Variants in PSME4 observed in about 807,000 individuals in gnomAD.
PSME4 encodes the protein proteasome activator complex subunit 4.
A neutral mutation model predicts 253.9 loss-of-function variants in PSME4; 89 were observed. That is an observed-to-expected ratio of 0.35 (90% CI 0.30 to 0.42). The LOEUF is 0.42. Ranked by LOEUF, PSME4 falls within the 10% of genes least tolerant of loss-of-function variation. The pLI is 1.00. For missense variants in PSME4, 2,014 were observed against 2,195.2 expected (o/e 0.92, Z 1.65); for synonymous variants, 851 against 759.2 (o/e 1.12, Z -1.99).
chr2:53,944,233 A>G (rs1016927034), intron 3 of PSME4, among the ~76,000 whole-genome samples: 1 of 151,924 alleles, frequency 6.6e-6, no homozygotes, highest in Non-Finnish European at 1.5e-5. Context: ...ATCTTGGCTC[A>G]TTGCAGCCTC....
intron 43 of PSME4, among the ~76,000 whole-genome samples, chr2:53,873,187 G>A (rs1330379180): frequency 6.8e-6 from 1 of 146,018 alleles, no homozygotes; most frequent in Admixed American, 7.0e-5. Flanking sequence ...CTTGCAGTGA[G>A]CTGAGAGCGT....
chr2:53,946,186 C>G (rs553304602), intron 3 of PSME4, among the ~76,000 whole-genome samples: 2 of 152,280 alleles, frequency 1.3e-5, no homozygotes, highest in African/African-American at 4.8e-5. Flanking sequence ...GCAGCATGTG[C>G]CTTTGCAAAG....
At chr2:53,875,854 T>C (rs72799242) in intron 41 of PSME4, 99 bp from the exon 42 acceptor site, 59,794 of 1,180,742 alleles carry the variant, frequency 0.051, 3,152 homozygotes, top group East Asian at 0.26. Flanking sequence ...TTTAACAATT[T>C]TTATGGAAAA....
chr2:53,940,065 A>G, intron 3 of PSME4, 65 bp from the exon 4 acceptor site: 1 of 1,181,450 alleles, frequency 8.5e-7, no homozygotes, highest in Non-Finnish European at 1.2e-6. Context: ...AATTCAATTA[A>G]TAAATATCTA....
intron 20 of PSME4, among the ~76,000 whole-genome samples, chr2:53,915,592 A>AT (rs1488816395): frequency 6.6e-6 from 1 of 152,028 alleles, no homozygotes; most frequent in African/African-American, 2.4e-5. Flanking sequence ...GAAAAAAAAA[A>AT]GAAGTAAACT....
chr2:53,912,068 C>A (rs1018696961), intron 20 of PSME4, among the ~76,000 whole-genome samples: 1 of 152,156 alleles, frequency 6.6e-6, no homozygotes, highest in African/African-American at 2.4e-5. Context: ...TCTTCCTCGA[C>A]TTTTAAAACT....
chr2:53,941,073 G>A (rs1252332776), intron 3 of PSME4, among the ~76,000 whole-genome samples: 1 of 135,740 alleles, frequency 7.4e-6, no homozygotes, highest in Non-Finnish European at 1.6e-5. Flanking sequence ...CTTAAGTCCA[G>A]AAGTCTATCC....
chr2:53,919,323 T>C, intron 19 of PSME4, 77 bp from the exon 20 acceptor site: 3 of 1,455,432 alleles, frequency 2.1e-6, no homozygotes, highest in Non-Finnish European at 2.7e-6. Flanking sequence ...CACAGAAGTT[T>C]TCTCACGTGG....
intron 1 of PSME4, among the ~76,000 whole-genome samples, chr2:53,955,732 G>C (rs758130391): frequency 6.6e-6 from 1 of 152,092 alleles, no homozygotes; most frequent in Non-Finnish European, 1.5e-5. Context: ...GACCAGCCTG[G>C]GCAACACTGC....
chr2:53,955,147 G>A (rs1670174078), intron 1 of PSME4, among the ~76,000 whole-genome samples: 3 of 151,962 alleles, frequency 2.0e-5, no homozygotes, highest in African/African-American at 7.3e-5. Context: ...TTTCAGCCTG[G>A]GTAACAGAGC....
intron 8 of PSME4, 103 bp from the exon 9 acceptor site, chr2:53,932,863 T>C: frequency 1.3e-6 from 1 of 773,730 alleles, no homozygotes; most frequent in Admixed American, 2.4e-5. Context: ...CAGTTTATAG[T>C]CAACTTGCTG....
intron 20 of PSME4, among the ~76,000 whole-genome samples, chr2:53,915,150 G>A (rs1019066525): frequency 6.6e-6 from 1 of 152,232 alleles, no homozygotes; most frequent in East Asian, 1.9e-4. Context: ...AGTAACCTAA[G>A]CTTTGGCTGG....
intron 36 of PSME4, among the ~76,000 whole-genome samples, chr2:53,892,500 A>G (rs992542465): frequency 6.6e-6 from 1 of 152,226 alleles, no homozygotes; most frequent in African/African-American, 2.4e-5. Flanking sequence ...AGAGTGACAC[A>G]GTGCAATAAT....
chr2:53,968,466 G>A, intron 1 of PSME4, among the ~76,000 whole-genome samples: 1 of 151,914 alleles, frequency 6.6e-6, no homozygotes, highest in East Asian at 1.9e-4. Context: ...ACACGTTTTG[G>A]CATTATTCAG....
chr2:53,895,143 G>T, intron 33 of PSME4, 67 bp from the exon 34 acceptor site: 2 of 1,375,756 alleles, frequency 1.5e-6, no homozygotes, highest in Non-Finnish European at 2.0e-6. Context: ...TGGATAGAAA[G>T]CATTAGAAGG....
At chr2:53,966,060 C>A (rs558772141) in intron 1 of PSME4, among the ~76,000 whole-genome samples, 1 of 151,938 alleles carries the variant, frequency 6.6e-6, no homozygotes, top group Non-Finnish European at 1.5e-5. Context: ...AGATCTTGGG[C>A]GGATCATTTG....
At chr2:53,905,378 T>C (rs1321509672) in intron 26 of PSME4, among the ~76,000 whole-genome samples, 1 of 151,928 alleles carries the variant, frequency 6.6e-6, no homozygotes, top group African/African-American at 2.4e-5. Flanking sequence ...GAGCTAGAGA[T>C]TAGTTACAGG....
chr2:53,902,374 T>C (rs768590385), intron 27 of PSME4, among the ~76,000 whole-genome samples: 6 of 152,214 alleles, frequency 3.9e-5, no homozygotes, highest in Non-Finnish European at 7.3e-5. Flanking sequence ...TATCCTTTGA[T>C]GACAGCAGGT....
At chr2:53,918,760 T>C (rs991191617) in intron 20 of PSME4, among the ~76,000 whole-genome samples, 4 of 152,202 alleles carry the variant, frequency 2.6e-5, no homozygotes, top group Admixed American at 2.0e-4. Context: ...ATGAATAAGA[T>C]TGAAGAAATC....
Sources: gnomAD v4.1 joint callset for allele counts (sites outside exome capture counted in the v4.1 genomes callset) on GRCh38, gnomAD v4.1.1 for gene constraint, MANE v1.5 for transcripts, NCBI Gene and HGNC (gene_info 2026-07-23, HGNC 2026-07-21) for gene names.